The following RAB38 variants were observed in gnomAD, a reference collection of about 807,000 sequenced individuals.
RAB38 encodes the protein ras-related protein Rab-38.
In RAB38, 15 loss-of-function variants were observed where a neutral mutation model predicts 18.4. The observed-to-expected ratio is 0.82, with a 90% CI of 0.55 to 1.26. The LOEUF is 1.26. RAB38 is among the 50% of genes most tolerant of loss of function. The pLI, the probability that RAB38 is intolerant of heterozygous loss-of-function variation, is 0.00. For synonymous variants in RAB38, 101 were observed against 104.4 expected, an observed-to-expected ratio of 0.97 and a Z score of 0.20; for missense variants, 294 against 267.4, an observed-to-expected ratio of 1.10 and a Z score of -0.69.
At chr11:87,838,540 T>C in the RAB38 span, among the ~76,000 whole-genome samples, 40 of 152,316 alleles carry the variant, frequency 2.6e-4, no homozygotes, top group East Asian at 7.5e-3. Context: ...GTGAGATCTG[T>C]CTCTTTTGGA....
chr11:88,077,824 T>A, the RAB38 span, among the ~76,000 whole-genome samples: 1 of 152,014 alleles, frequency 6.6e-6, no homozygotes, highest in Admixed American at 6.6e-5. Flanking sequence ...TAGCTTTGTA[T>A]CCATTGTTGA....
the RAB38 span, among the ~76,000 whole-genome samples, chr11:88,022,048 A>G: frequency 6.6e-6 from 1 of 152,078 alleles, no homozygotes; most frequent in South Asian, 2.1e-4. Flanking sequence ...CACATCAAAA[A>G]AAGAAAACTA....
chr11:88,099,660 G>A, the RAB38 span, among the ~76,000 whole-genome samples: 13 of 151,692 alleles, frequency 8.6e-5, no homozygotes, highest in African/African-American at 2.9e-4. Context: ...TAGTGTGTAG[G>A]AGAATATGTT....
At chr11:87,918,631 T>G in the RAB38 span, among the ~76,000 whole-genome samples, 1 of 152,126 alleles carries the variant, frequency 6.6e-6, no homozygotes, top group Non-Finnish European at 1.5e-5. Flanking sequence ...TGATGACTAC[T>G]GGTGATCATT....
chr11:87,976,971 TA>T, the RAB38 span, among the ~76,000 whole-genome samples: 2 of 56,244 alleles, frequency 3.6e-5, no homozygotes, highest in African/African-American at 7.8e-5. Context: ...TATACAAGTA[TA>T]TTATAAAATA....
At chr11:88,137,344 G>GA (rs1942848708) in intron 2 of RAB38, among the ~76,000 whole-genome samples, 1 of 152,128 alleles carries the variant, frequency 6.6e-6, no homozygotes, top group East Asian at 1.9e-4. Flanking sequence ...GCAAAAATCA[G>GA]AAAAAACTTC....
chr11:87,850,467 CGT>C, the RAB38 span, among the ~76,000 whole-genome samples: 19 of 151,016 alleles, frequency 1.3e-4, no homozygotes, highest in African/African-American at 3.2e-4. Context: ...AAGCAGAGAG[CGT>C]GTGTGTGTGT....
intron 1 of RAB38, 68 bp from the exon 2 acceptor site, chr11:88,150,023 T>C (rs569757741): frequency 2.7e-6 from 4 of 1,491,142 alleles, no homozygotes; most frequent in South Asian, 1.3e-5. Flanking sequence ...TATAACTTCA[T>C]GAAGCCTCCA....
chr11:87,929,942 A>T, the RAB38 span, among the ~76,000 whole-genome samples: 1 of 151,934 alleles, frequency 6.6e-6, no homozygotes, highest in African/African-American at 2.4e-5. Flanking sequence ...TATATGCCAC[A>T]TTTTCTTAAT....
At chr11:88,174,514 A>C (rs780029981) in intron 1 of RAB38, among the ~76,000 whole-genome samples, 1 of 151,636 alleles carries the variant, frequency 6.6e-6, no homozygotes, top group Non-Finnish European at 1.5e-5. Flanking sequence ...TCCTTTTCAT[A>C]GAAGACAGAG....
chr11:87,946,659 C>A, the RAB38 span, among the ~76,000 whole-genome samples: 1 of 151,920 alleles, frequency 6.6e-6, no homozygotes, highest in East Asian at 1.9e-4. Flanking sequence ...TTTGTCCTTG[C>A]AATAGTTTGC....
chr11:88,133,553 C>T (rs1219263793), intron 2 of RAB38, among the ~76,000 whole-genome samples: 1 of 152,104 alleles, frequency 6.6e-6, no homozygotes, highest in Non-Finnish European at 1.5e-5. Flanking sequence ...CACCTCTGAC[C>T]CATGCTAGAC....
intron 2 of RAB38, among the ~76,000 whole-genome samples, chr11:88,144,819 T>G (rs1178069021): frequency 1.3e-5 from 2 of 151,942 alleles, no homozygotes; most frequent in East Asian, 4.0e-4. Flanking sequence ...GGAGGTTCTT[T>G]CTGTGAGTTT....
At chr11:87,940,068 G>T in the RAB38 span, among the ~76,000 whole-genome samples, 1 of 151,226 alleles carries the variant, frequency 6.6e-6, no homozygotes, top group Non-Finnish European at 1.5e-5. Flanking sequence ...AAAAAATCCA[G>T]TGATTTGAGA....
At chr11:88,025,335 T>C in the RAB38 span, among the ~76,000 whole-genome samples, 1 of 151,888 alleles carries the variant, frequency 6.6e-6, no homozygotes, top group Non-Finnish European at 1.5e-5. Flanking sequence ...AGTACAGCGA[T>C]GAACACATGA....
the RAB38 span, among the ~76,000 whole-genome samples, chr11:88,028,229 T>A: frequency 3.3e-5 from 5 of 152,142 alleles, no homozygotes; most frequent in East Asian, 3.9e-4. Flanking sequence ...ACCCATCTGT[T>A]CATCACCATA....
chr11:87,949,181 G>C, the RAB38 span, among the ~76,000 whole-genome samples: 9 of 152,176 alleles, frequency 5.9e-5, no homozygotes, highest in Non-Finnish European at 7.3e-5. Flanking sequence ...TTGCATAGAG[G>C]TGTTTATAGT....
chr11:87,942,830 TTC>T, the RAB38 span, among the ~76,000 whole-genome samples: 1 of 152,184 alleles, frequency 6.6e-6, no homozygotes, highest in African/African-American at 2.4e-5. Flanking sequence ...CTCCAGATGA[TTC>T]TGTCATAATC....
intron 2 of RAB38, chr11:88,115,403 A>G (rs1351265189): frequency 1.3e-5 from 2 of 152,206 alleles, no homozygotes; most frequent in Non-Finnish European, 2.9e-5. Flanking sequence ...TTACTTGGAA[A>G]ATATAAGAAG....
Sources: gnomAD v4.1 joint callset for allele counts (sites outside exome capture counted in the v4.1 genomes callset) on GRCh38, gnomAD v4.1.1 for gene constraint, MANE v1.5 for transcripts, NCBI Gene and HGNC (gene_info 2026-07-23, HGNC 2026-07-21) for gene names.